GRIN2B: variants seen among roughly 807,000 people sequenced by gnomAD.
The protein encoded by GRIN2B is glutamate receptor ionotropic, NMDA 2B.
Under a neutral mutation model 114.5 loss-of-function variants are expected in GRIN2B, and 5 were observed. The observed-to-expected ratio is 0.04, with a 90% CI of 0.02 to 0.09. The LOEUF is 0.09. Among genes scored for constraint, GRIN2B ranks in the 10% least tolerant of loss-of-function variants. GRIN2B has a pLI of 1.00. For missense variants in GRIN2B, 1,108 were observed against 1,943.5 expected (o/e 0.57, Z 8.08); for synonymous variants, 787 against 745.1 (o/e 1.06, Z -0.92).
intron 4 of GRIN2B, among the ~76,000 whole-genome samples, chr12:13,678,659 T>C (rs1327434739): frequency 6.6e-6 from 1 of 152,110 alleles, no homozygotes; most frequent in African/African-American, 2.4e-5. Flanking sequence ...TCTTGCCCTG[T>C]TCCTCAGCTC....
chr12:13,767,900 G>A (rs754367988), intron 3 of GRIN2B, among the ~76,000 whole-genome samples: 43 of 152,170 alleles, frequency 2.8e-4, no homozygotes, highest in African/African-American at 9.6e-4. Context: ...TGAAATCTTC[G>A]GTGACGAAGG....
At chr12:13,864,399 A>G (rs1042122680) in intron 3 of GRIN2B, among the ~76,000 whole-genome samples, 2 of 152,214 alleles carry the variant, frequency 1.3e-5, no homozygotes, top group African/African-American at 2.4e-5. Flanking sequence ...TACAAACATT[A>G]TTAACCCGAA....
At position 13,557,188 on chromosome 12, in the gene GRIN2B, C is replaced by T. The variant is rs1188346911; in HGVS notation, c.*5595G>A. On this transcript the variant is annotated 3_prime_UTR_variant, in exon 14 of 14. Coordinates refer to ENST00000609686, the MANE Select transcript of GRIN2B (RefSeq NM_000834.5). ...ATGATTTTATACAATACTGCAACCC[C>T]ACCCCCCAAACTAGAATAGAATCCT... is the stretch of plus-strand genomic sequence containing the variant. The T allele has an allele frequency of 6.6e-6, 1 of 152,092 alleles. No homozygotes were observed. The highest frequency in any genetic ancestry group is 1.5e-5 in the Non-Finnish European group (1 of 68,004). 9.4% of individuals were successfully genotyped at this position (152,092 alleles called of 1,614,324 possible). A position where few individuals can be genotyped will look rare whatever the true frequency, so the allele number is the denominator to read the frequency against.
chr12:13,608,026 C>T (rs550242041), intron 10 of GRIN2B, among the ~76,000 whole-genome samples: 144 of 368 alleles, frequency 0.39, 4 homozygotes, highest in Admixed American at 0.52. Flanking sequence ...TGCATAGGCC[C>T]GCAGAGGCCT....
At position 13,584,233 on chromosome 12, in the gene GRIN2B, A is replaced by C. The variant is rs540733842; in HGVS notation, c.2011-12269T>G. On this transcript the variant is annotated intron_variant, in intron 10 of 13. Coordinates refer to ENST00000609686, the MANE Select transcript of GRIN2B (RefSeq NM_000834.5). ...CCCTCACATGCTCTTCTCTGCCCCA[A>C]AAGCCCTGGATATCCACATATATTG... Among the ~76,000 whole-genome samples the C allele has an allele frequency of 1.4e-3, 208 of 152,230 alleles. 1 individual carries two copies. Among genetic ancestry groups the C allele is most frequent in the African/African-American group, 4.7e-3 (195 of 41,534 alleles).
chr12:13,881,598 G>C (rs1057392610), intron 2 of GRIN2B, among the ~76,000 whole-genome samples: 1 of 152,094 alleles, frequency 6.6e-6, no homozygotes, highest in Non-Finnish European at 1.5e-5. Flanking sequence ...CAAGCTCTTC[G>C]CATGCCCTTG....
intron 3 of GRIN2B, among the ~76,000 whole-genome samples, chr12:13,831,224 C>A (rs954908662): frequency 8.5e-5 from 13 of 152,210 alleles, no homozygotes; most frequent in African/African-American, 2.9e-4. Context: ...GTACAGCCTG[C>A]AGAAGTGTAA....
chr12:13,784,687 T>A (rs1864191420), intron 3 of GRIN2B, among the ~76,000 whole-genome samples: 1 of 152,206 alleles, frequency 6.6e-6, no homozygotes, highest in Non-Finnish European at 1.5e-5. Flanking sequence ...GCTTTCTCCC[T>A]TGGAAGCCTG....
At chr12:13,916,062 G>A (rs1052559972) in intron 2 of GRIN2B, among the ~76,000 whole-genome samples, 8 of 152,050 alleles carry the variant, frequency 5.3e-5, no homozygotes, top group Admixed American at 1.3e-4. Flanking sequence ...ATAGAGCTGT[G>A]GGGCACCTAA....
intron 4 of GRIN2B, among the ~76,000 whole-genome samples, chr12:13,679,384 C>T (rs1950107917): frequency 6.6e-6 from 1 of 152,130 alleles, no homozygotes; most frequent in Non-Finnish European, 1.5e-5. Context: ...AAATCACACT[C>T]ATGAGCAATG....
At chr12:13,735,586 T>G (rs1863162869) in intron 4 of GRIN2B, among the ~76,000 whole-genome samples, 2 of 152,248 alleles carry the variant, frequency 1.3e-5, no homozygotes, top group African/African-American at 4.8e-5. Context: ...TCTCCTGTCA[T>G]GATGCTGCTG....
At chr12:13,678,292 G>A (rs1175812071) in intron 4 of GRIN2B, among the ~76,000 whole-genome samples, 1 of 152,098 alleles carries the variant, frequency 6.6e-6, no homozygotes, top group Admixed American at 6.5e-5. Context: ...GATTGTCCTT[G>A]TATGTAAGTT....
In GRIN2B at chr12:13,541,207, A is replaced by T. The variant is rs1176961661; in HGVS notation, c.*21576T>A. 1 of 152,208 alleles carries T rather than the reference A, an allele frequency of 6.6e-6. No individual in the cohort carries two copies. Among genetic ancestry groups the T allele is most frequent in the African/African-American group, 2.4e-5 (1 of 41,452 alleles). 9.4% of individuals were successfully genotyped at this position (152,208 alleles called of 1,614,324 possible). On this transcript the variant is annotated 3_prime_UTR_variant, in exon 14 of 14. Transcript: ENST00000609686. ...TGTAACATTGCCTCTAGCTCCCTTG[A>T]AATGTTTCCACAAGCGTCAGGGCTA...
rs531282768 is a variant in GRIN2B at position 13,726,603 on chromosome 12, C to A, written c.1010+26714G>T. On this transcript the variant is annotated intron_variant, in intron 4 of 13. Coordinates refer to ENST00000609686, the MANE Select transcript of GRIN2B (RefSeq NM_000834.5). Reference sequence around the variant, plus strand: ...TATATATAAATATATAACATTTACTCAAGCCACATACTATTTCTATTAACT... The same window carrying A: ...TATATATAAATATATAACATTTACTAAAGCCACATACTATTTCTATTAACT... 1.4e-4 allele frequency among the ~76,000 whole-genome samples: 20 copies of A among 145,650 alleles called. 1 individual carries two copies. The highest frequency in any genetic ancestry group is 5.3e-4 in the African/African-American group (20 of 37,992).
chr12:13,794,119 C>T (rs1275379860), intron 3 of GRIN2B, among the ~76,000 whole-genome samples: 3 of 143,510 alleles, frequency 2.1e-5, no homozygotes, highest in East Asian at 4.0e-4. Flanking sequence ...ACAGGAGGAT[C>T]GCTTGAGCTT....
intron 2 of GRIN2B, among the ~76,000 whole-genome samples, chr12:13,870,924 G>T (rs777368715): frequency 1.2e-4 from 19 of 152,166 alleles, no homozygotes; most frequent in Non-Finnish European, 2.8e-4. Context: ...CAAAGTGGTA[G>T]TATCTATCGA....
chr12:13,555,027 G>T lies in GRIN2B; in HGVS notation c.*7756C>A, dbSNP rs1034497139. 2.0e-5 allele frequency: 3 copies of T among 152,114 alleles called. No individual in the cohort carries two copies. The highest frequency in any genetic ancestry group is 7.2e-5 in the African/African-American group (3 of 41,418). 9.4% of individuals were successfully genotyped at this position (152,114 alleles called of 1,614,324 possible). On this transcript the variant is annotated 3_prime_UTR_variant, in exon 14 of 14. Transcript: ENST00000609686. ...GTAGGGGCTAAAAGTGAAGATTTGG[G>T]ATTCATCTTCATTCAAAGAGTTATT...
chr12:13,761,201 A>T (rs1386765843), intron 3 of GRIN2B, among the ~76,000 whole-genome samples: 1 of 152,222 alleles, frequency 6.6e-6, no homozygotes, highest in Non-Finnish European at 1.5e-5. Flanking sequence ...CTGGATAACT[A>T]AACAACTTCC....
At chr12:13,771,366 A>T (rs2136645903) in intron 3 of GRIN2B, among the ~76,000 whole-genome samples, 1 of 152,320 alleles carries the variant, frequency 6.6e-6, no homozygotes, top group Admixed American at 6.5e-5. Context: ...ACAGTAAAAA[A>T]CTAAAATTTA....
Sources: allele counts gnomAD v4.1 joint callset (sites outside exome capture counted in the v4.1 genomes callset), GRCh38; gene constraint gnomAD v4.1.1; transcripts MANE v1.5; gene names NCBI Gene and HGNC (gene_info 2026-07-23, HGNC 2026-07-21).